RASGEF1C: variants seen among roughly 807,000 people sequenced by gnomAD.
RASGEF1C encodes the protein ras-GEF domain-containing family member 1C.
RASGEF1C carries 27 observed loss-of-function variants against 58.1 expected under a neutral mutation model. That is an observed-to-expected ratio of 0.46 (90% CI 0.34 to 0.64). The LOEUF (loss-of-function observed/expected upper bound fraction) is 0.64, where lower values mean the gene tolerates loss of function less well. RASGEF1C is among the 30% of genes least tolerant of loss of function. RASGEF1C has a pLI of 0.01. For missense variants in RASGEF1C, 502 were observed against 605.1 expected, an observed-to-expected ratio of 0.83 and a Z score of 1.79; for synonymous variants, 243 against 246.3, an observed-to-expected ratio of 0.99 and a Z score of 0.13.
chr5:180,186,328 CAA>C, intron 1 of RASGEF1C, among the ~76,000 whole-genome samples: 1 of 152,112 alleles, frequency 6.6e-6, no homozygotes, highest in South Asian at 2.1e-4. Flanking sequence ...ACAAATTCAG[CAA>C]AGTTGCAGGA....
At chr5:180,160,669 A>AC (rs1766926307) in intron 1 of RASGEF1C, among the ~76,000 whole-genome samples, 1 of 151,848 alleles carries the variant, frequency 6.6e-6, no homozygotes, top group Non-Finnish European at 1.5e-5. Context: ...TTAAAGCTGA[A>AC]AAATACAAAA....
intron 1 of RASGEF1C, among the ~76,000 whole-genome samples, chr5:180,178,657 T>C (rs910629040): frequency 2.6e-5 from 4 of 151,954 alleles, no homozygotes; most frequent in Admixed American, 6.6e-5. Context: ...CCACTTGAAA[T>C]AGAAAGAACC....
chr5:180,195,347 A>G (rs953897716), intron 1 of RASGEF1C, among the ~76,000 whole-genome samples: 16 of 152,196 alleles, frequency 1.1e-4, no homozygotes, highest in Non-Finnish European at 2.2e-4. Context: ...TCTGCAGAGT[A>G]CGGACCAACA....
At chr5:180,208,801 A>G (rs950825619) in intron 1 of RASGEF1C, among the ~76,000 whole-genome samples, 9 of 151,764 alleles carry the variant, frequency 5.9e-5, no homozygotes, top group Non-Finnish European at 8.8e-5. Flanking sequence ...GTCTCCCGCC[A>G]GGTGGCCGGG....
intron 1 of RASGEF1C, among the ~76,000 whole-genome samples, chr5:180,190,348 G>A (rs1247546831): frequency 2.0e-5 from 3 of 151,742 alleles, no homozygotes; most frequent in Non-Finnish European, 2.9e-5. Flanking sequence ...AAATTAGCCG[G>A]GCGTGGTGGC....
intron 4 of RASGEF1C, among the ~76,000 whole-genome samples, chr5:180,132,201 C>T (rs180695399): frequency 4.6e-5 from 7 of 152,378 alleles, no homozygotes; most frequent in African/African-American, 1.7e-4. Flanking sequence ...CTGAAGCCCT[C>T]TCTCCGCACT....
chr5:180,103,362 C>T (rs1325583301), intron 12 of RASGEF1C, among the ~76,000 whole-genome samples: 4 of 152,238 alleles, frequency 2.6e-5, no homozygotes, highest in Admixed American at 1.3e-4. Flanking sequence ...CAGGCGTGAG[C>T]CACCGCACCC....
intron 1 of RASGEF1C, among the ~76,000 whole-genome samples, chr5:180,159,991 C>T (rs904357385): frequency 2.0e-5 from 3 of 152,182 alleles, no homozygotes; most frequent in Admixed American, 6.5e-5. Context: ...TAGCTGCACT[C>T]GAAGTTAGCC....
intron 1 of RASGEF1C, among the ~76,000 whole-genome samples, chr5:180,183,678 G>T (rs940859944): frequency 3.3e-5 from 5 of 151,972 alleles, no homozygotes; most frequent in Admixed American, 1.3e-4. Flanking sequence ...TACAAAATTA[G>T]CCGGGTGTGG....
intron 1 of RASGEF1C, among the ~76,000 whole-genome samples, chr5:180,174,102 G>C (rs899474570): frequency 2.6e-5 from 4 of 151,976 alleles, no homozygotes; most frequent in Non-Finnish European, 5.9e-5. Flanking sequence ...GAAACACTCA[G>C]TGCATGGAGC....
At chr5:180,119,268 T>TG in intron 8 of RASGEF1C, 78 bp downstream of exon 8, 1 of 1,237,236 alleles carries the variant, frequency 8.1e-7, no homozygotes, top group South Asian at 1.2e-5. Flanking sequence ...GCTTGCACTC[T>TG]GCCTGCCTGG....
At chr5:180,129,836 G>A (rs190175831) in intron 4 of RASGEF1C, among the ~76,000 whole-genome samples, 1 of 152,222 alleles carries the variant, frequency 6.6e-6, no homozygotes, top group East Asian at 1.9e-4. Context: ...GAGGACATGA[G>A]GATGTCTACC....
rs991045899 is a variant in RASGEF1C at position 180,168,421 on chromosome 5, G to A, written c.-6-30363C>T. On this transcript the variant is annotated intron_variant, in intron 1 of 13. Transcript: ENST00000361132. The surrounding 1 kb of genome is among the most constrained non-coding windows in gnomAD (Gnocchi z 6.0). ...GCACTCCAGCCTGGGCAACAAGAGC[G>A]AAACTCCATCTCAAAATAAATAAAC... 6.6e-6 allele frequency among the ~76,000 whole-genome samples: 1 copy of A among 152,046 alleles called. No homozygotes were observed. Among genetic ancestry groups the A allele is most frequent in the Non-Finnish European group, 1.5e-5 (1 of 68,028 alleles).
rs113429753 is a variant in RASGEF1C, at chr5:180,154,583, CTTT to C, written c.-6-16528_-6-16526del. ...GGTGGACTGGGCTGGACTCTGGACT[CTTT>C]TTTTTTTTTTTTGAGATGGAGTCTC... On this transcript the variant is annotated intron_variant, in intron 1 of 13. Coordinates refer to ENST00000361132, the MANE Select transcript of RASGEF1C (RefSeq NM_175062.4). Among the ~76,000 whole-genome samples, 342 of 140,608 alleles carry C rather than the reference CTTT, an allele frequency of 2.4e-3. 2 individuals are homozygous for C. The highest frequency in any genetic ancestry group is 3.3e-3 in the Non-Finnish European group (215 of 65,048). 92.2% of individuals were successfully genotyped at this position (140,608 alleles called of 152,430 possible).
At chr5:180,104,874 C>T (rs1765849385) in intron 12 of RASGEF1C, among the ~76,000 whole-genome samples, 4 of 152,076 alleles carry the variant, frequency 2.6e-5, no homozygotes, top group Admixed American at 2.6e-4. Context: ...AGTTGTTTGT[C>T]GTATTCCCTT....
intron 12 of RASGEF1C, among the ~76,000 whole-genome samples, chr5:180,105,280 T>C (rs1765856557): frequency 6.6e-6 from 1 of 152,096 alleles, no homozygotes; most frequent in Non-Finnish European, 1.5e-5. Flanking sequence ...CTCAGGTACT[T>C]TGCCAGGCGC....
Position 180,168,634 on chromosome 5 carries a change from G to C in RASGEF1C, c.-6-30576C>G, listed in dbSNP as rs6880210. Among the ~76,000 whole-genome samples the C allele has an allele frequency of 0.36, 54,256 of 151,940 alleles. 10,221 individuals are homozygous for C. Among genetic ancestry groups the C allele is most frequent in the East Asian group, 0.56 (2,879 of 5,162 alleles). On this transcript the variant is annotated intron_variant, in intron 1 of 13. Transcript: ENST00000361132. The surrounding 1 kb of genome is among the most constrained non-coding windows in gnomAD (Gnocchi z 6.0). ...AGGGCCAAGGTGTGGGGGTCAGAGAGTGAAAGAGAAGCCGGGAGTTCATCT... is the reference window on the plus strand; with the variant it reads ...AGGGCCAAGGTGTGGGGGTCAGAGACTGAAAGAGAAGCCGGGAGTTCATCT...
chr5:180,114,425 C>T lies in RASGEF1C; in HGVS notation c.1179+21G>A, dbSNP rs377759979. On this transcript the variant is annotated intron_variant, in intron 11 of 13. Coordinates refer to ENST00000361132, the MANE Select transcript of RASGEF1C (RefSeq NM_175062.4). ...TTTCCCGGCCTGTCTACCTCAGTGGCGGTCCACACGGAGGTCCTACCTCAA... is the reference window on the plus strand; with the variant it reads ...TTTCCCGGCCTGTCTACCTCAGTGGTGGTCCACACGGAGGTCCTACCTCAA... 2.8e-5 allele frequency: 45 copies of T among 1,606,124 alleles called. No homozygotes were observed. In the East Asian group the frequency reaches 5.8e-4, roughly 21 times the overall value.
At position 180,146,795 on chromosome 5, in the gene RASGEF1C, C is replaced by T. The variant is rs141787622; in HGVS notation, c.-6-8737G>A. ...TACTTCTTGTAGTGCTTCTGTCTGG[C>T]TTTGGTATCAAGGTGATGCTGACCT... On this transcript the variant is annotated intron_variant, in intron 1 of 13. Transcript: ENST00000361132. Among the ~76,000 whole-genome samples the T allele has an allele frequency of 8.7e-3, 1,325 of 152,252 alleles. 24 individuals carry two copies. Among genetic ancestry groups the T allele is most frequent in the Middle Eastern group, 0.034 (10 of 294 alleles).
Sources: allele counts gnomAD v4.1 joint callset (sites outside exome capture counted in the v4.1 genomes callset), GRCh38; gene constraint gnomAD v4.1.1; non-coding constraint Gnocchi (gnomAD v3.1); transcripts MANE v1.5; gene names NCBI Gene and HGNC (gene_info 2026-07-23, HGNC 2026-07-21).